Variants in FAF2 observed in about 807,000 individuals in gnomAD.
FAF2 encodes the protein Fas associated factor family member 2.
In FAF2, 9 loss-of-function variants were observed where a neutral mutation model predicts 62.3. The ratio of observed to expected loss-of-function variants is 0.14; its 90% CI spans 0.09 to 0.25. The LOEUF (loss-of-function observed/expected upper bound fraction) is 0.25. Ranked by LOEUF, FAF2 falls within the 10% of genes least tolerant of loss-of-function variation. FAF2 has a pLI of 1.00. For missense variants in FAF2, 368 were observed against 556.2 expected (o/e 0.66, Z 3.40); for synonymous variants, 202 against 198.0 (o/e 1.02, Z -0.17).
At chr5:176,450,318 A>G (rs61119895) in intron 1 of FAF2, among the ~76,000 whole-genome samples, 1,616 of 152,304 alleles carry the variant, frequency 0.011, 23 homozygotes, top group African/African-American at 0.037. Flanking sequence ...TAAACAGACA[A>G]CCAGCTTACA....
intron 8 of FAF2, 44 bp from the exon 9 acceptor site, chr5:176,498,870 G>C: frequency 6.8e-7 from 1 of 1,480,642 alleles, no homozygotes; most frequent in Non-Finnish European, 9.0e-7. Flanking sequence ...ACAGAACTTT[G>C]TGAGAGTGCT....
chr5:176,460,775 A>G (rs1216002264), intron 1 of FAF2, among the ~76,000 whole-genome samples: 4 of 150,694 alleles, frequency 2.7e-5, no homozygotes, highest in Non-Finnish European at 5.9e-5. Flanking sequence ...ACATTGCAAG[A>G]CCCCAACTGT....
intron 10 of FAF2, among the ~76,000 whole-genome samples, chr5:176,502,830 A>G (rs1012325958): frequency 6.6e-6 from 1 of 152,008 alleles, no homozygotes; most frequent in African/African-American, 2.4e-5. Flanking sequence ...CAGGCGGATC[A>G]CAAGGTCAGG....
chr5:176,479,053 G>A, intron 1 of FAF2, 135 bp from the exon 2 acceptor site: 1 of 709,492 alleles, frequency 1.4e-6, no homozygotes, highest in South Asian at 1.6e-5. Flanking sequence ...TTCTGAATCG[G>A]TGAAGTTTTA....
At chr5:176,478,520 T>G (rs988989971) in intron 1 of FAF2, among the ~76,000 whole-genome samples, 4 of 151,964 alleles carry the variant, frequency 2.6e-5, no homozygotes, top group Non-Finnish European at 5.9e-5. Context: ...GTATGTTAGG[T>G]TTTACACAGT....
intron 1 of FAF2, among the ~76,000 whole-genome samples, chr5:176,476,871 G>A (rs1474320003): frequency 2.1e-5 from 3 of 145,212 alleles, no homozygotes; most frequent in African/African-American, 2.6e-5. Context: ...GTGCAGTGGC[G>A]CTATCTCAGC....
In FAF2 at chr5:176,460,821, G is replaced by A. The variant is rs988641556; in HGVS notation, c.63+12351G>A. On this transcript the variant is annotated intron_variant, in intron 1 of 10. Coordinates refer to ENST00000261942, the MANE Select transcript of FAF2 (RefSeq NM_014613.3). The stretch of plus-strand genomic sequence containing the variant: ...CAAAAGATTCACCAGGCATGGCGGT[G>A]TAGGCCTGTGGTCCCAGCTACTTGG... Among the ~76,000 whole-genome samples, 6 of 151,968 alleles carry A rather than the reference G, an allele frequency of 3.9e-5. No individual in the cohort carries two copies. The East Asian group carries it at 5.8e-4, about 15-fold the overall frequency.
At chr5:176,455,240 A>G (rs917898298) in intron 1 of FAF2, among the ~76,000 whole-genome samples, 1 of 152,206 alleles carries the variant, frequency 6.6e-6, no homozygotes, top group African/African-American at 2.4e-5. Flanking sequence ...AAAAGATCCC[A>G]GCCTGGGCAA....
intron 1 of FAF2, among the ~76,000 whole-genome samples, chr5:176,454,577 GAAAAAAAAAAAAAAAAA>G (rs56324116): frequency 0.14 from 13,250 of 95,962 alleles, 1,069 homozygotes; most frequent in East Asian, 0.36. Context: ...GATTCTGTCT[GAAAAAAAAAAAAAAAAA>G]AAAAAAAAAA....
rs951564128 is a variant in FAF2, at chr5:176,448,405, A to G, written c.-3A>G. The G allele has an allele frequency of 6.2e-7, 1 of 1,605,268 alleles. No individual in the cohort carries two copies. Among genetic ancestry groups the G allele is most frequent in the Non-Finnish European group, 8.5e-7 (1 of 1,176,290 alleles). Reference sequence around the variant, plus strand: ...GGGTCAGGAGCGTAGAGGCGGCGGCAAAATGGCGGCGCCTGAGGAGCGGGA... The same window carrying G: ...GGGTCAGGAGCGTAGAGGCGGCGGCGAAATGGCGGCGCCTGAGGAGCGGGA... On this transcript the variant is annotated 5_prime_UTR_variant, in exon 1 of 11. Transcript: ENST00000261942.
At chr5:176,461,752 C>T (rs891588539) in intron 1 of FAF2, among the ~76,000 whole-genome samples, 4 of 151,900 alleles carry the variant, frequency 2.6e-5, no homozygotes, top group Non-Finnish European at 4.4e-5. Context: ...CCCATTTTGT[C>T]TGTTTACTCT....
intron 10 of FAF2, among the ~76,000 whole-genome samples, chr5:176,501,461 A>G (rs961040823): frequency 1.3e-5 from 2 of 152,182 alleles, no homozygotes; most frequent in African/African-American, 2.4e-5. Context: ...GCAAAATTCT[A>G]CAGGGCCTCA....
At chr5:176,506,051 C>T (rs1197233518) in intron 10 of FAF2, among the ~76,000 whole-genome samples, 4 of 151,856 alleles carry the variant, frequency 2.6e-5, no homozygotes, top group Non-Finnish European at 5.9e-5. Context: ...ATTAGCCAGG[C>T]GTGGTGGCGG....
At chr5:176,462,555 C>T (rs774640360) in intron 1 of FAF2, among the ~76,000 whole-genome samples, 12 of 151,948 alleles carry the variant, frequency 7.9e-5, no homozygotes, top group South Asian at 2.1e-4. Flanking sequence ...ACCCGGGAGG[C>T]GGAGGTTGCA....
chr5:176,465,054 C>A (rs970156602), intron 1 of FAF2, among the ~76,000 whole-genome samples: 3 of 152,106 alleles, frequency 2.0e-5, no homozygotes, highest in Non-Finnish European at 4.4e-5. Context: ...CCACGCCCAG[C>A]TAATTTTTGT....
intron 5 of FAF2, among the ~76,000 whole-genome samples, chr5:176,493,474 C>G (rs1379038366): frequency 1.3e-5 from 2 of 152,232 alleles, no homozygotes; most frequent in Non-Finnish European, 2.9e-5. Flanking sequence ...CGGCGCTAGC[C>G]TTGTCTTTGA....
At chr5:176,502,141 C>T (rs1054978705) in intron 10 of FAF2, among the ~76,000 whole-genome samples, 1 of 152,104 alleles carries the variant, frequency 6.6e-6, no homozygotes, top group Non-Finnish European at 1.5e-5. Flanking sequence ...TGGTTATTAG[C>T]GTTAATTTCC....
At chr5:176,476,804 A>ATTTTT (rs749952460) in intron 1 of FAF2, among the ~76,000 whole-genome samples, 1 of 92,874 alleles carries the variant, frequency 1.1e-5, no homozygotes, top group African/African-American at 4.9e-5. Flanking sequence ...TGCTGAACTA[A>ATTTTT]TTTTTTTTTT....
rs1755626269 is a variant in FAF2, at chr5:176,503,401, A to G, written c.1155+3255A>G. Among the ~76,000 whole-genome samples the G allele has an allele frequency of 2.0e-5, 3 of 152,066 alleles. No homozygotes were observed. In the South Asian group the frequency reaches 6.2e-4, roughly 32 times the overall value. On this transcript the variant is annotated intron_variant, in intron 10 of 10. Coordinates refer to ENST00000261942, the MANE Select transcript of FAF2 (RefSeq NM_014613.3). ...GAAACCCCATCTCTACTAAAAATAC[A>G]AAAATTAGCCAGGCATGATGGCGTG...
Sources: allele counts gnomAD v4.1 joint callset (sites outside exome capture counted in the v4.1 genomes callset), GRCh38; gene constraint gnomAD v4.1.1; transcripts MANE v1.5; gene names NCBI Gene and HGNC (gene_info 2026-07-23, HGNC 2026-07-21).